CORO2B: variants seen among roughly 807,000 people sequenced by gnomAD.
The protein encoded by CORO2B is coronin-2B.
Under a neutral mutation model 58.8 loss-of-function variants are expected in CORO2B, and 26 were observed. The observed-to-expected ratio is 0.44, with a 90% CI of 0.32 to 0.61. The LOEUF (loss-of-function observed/expected upper bound fraction) is 0.61, where lower values mean the gene tolerates loss of function less well. Among genes scored for constraint, CORO2B ranks in the 20% least tolerant of loss-of-function variants. The pLI, the probability that CORO2B is intolerant of heterozygous loss-of-function variation, is 0.04. For synonymous variants in CORO2B, 242 were observed against 253.8 expected (o/e 0.95, Z 0.44); for missense variants, 460 against 645.1 (o/e 0.71, Z 3.11).
intron 1 of CORO2B, among the ~76,000 whole-genome samples, chr15:68,622,237 TG>T (rs933452682): frequency 1.3e-5 from 2 of 152,178 alleles, no homozygotes; most frequent in Non-Finnish European, 2.9e-5. Context: ...GGTGAGTGAC[TG>T]CATGTGAAAA....
chr15:68,607,276 G>T (rs990998723), intron 1 of CORO2B, among the ~76,000 whole-genome samples: 5 of 151,500 alleles, frequency 3.3e-5, no homozygotes, highest in Non-Finnish European at 7.4e-5. Flanking sequence ...GCTGGACTGG[G>T]CTGGGACTGT....
chr15:68,676,778 A>AT (rs900386322), intron 2 of CORO2B, among the ~76,000 whole-genome samples: 39 of 146,826 alleles, frequency 2.7e-4, no homozygotes, highest in East Asian at 6.0e-4. Context: ...CTTCTGGATT[A>AT]TTTTTTTTTT....
At chr15:68,623,858 G>T (rs1342611406) in intron 1 of CORO2B, among the ~76,000 whole-genome samples, 11 of 152,188 alleles carry the variant, frequency 7.2e-5, no homozygotes, top group Non-Finnish European at 1.6e-4. Context: ...CGACACCACG[G>T]ATTACAGCAG....
chr15:68,673,834 CTAA>C (rs1902484416), intron 2 of CORO2B, among the ~76,000 whole-genome samples: 1 of 38,316 alleles, frequency 2.6e-5, no homozygotes, highest in Non-Finnish European at 5.3e-5. Context: ...GAGACTCCGT[CTAA>C]AAAAAAAAAA....
At chr15:68,619,411 TTG>T (rs1900453546) in intron 1 of CORO2B, among the ~76,000 whole-genome samples, 1 of 152,148 alleles carries the variant, frequency 6.6e-6, no homozygotes, top group African/African-American at 2.4e-5. Context: ...AGAGCATTTT[TTG>T]TGTGTGCAAG....
chr15:68,624,784 C>A (rs943767758), intron 1 of CORO2B, among the ~76,000 whole-genome samples: 2 of 152,070 alleles, frequency 1.3e-5, no homozygotes, highest in African/African-American at 4.8e-5. Context: ...CCTCCATCTC[C>A]TGATTCTCTT....
chr15:68,604,331 C>A (rs1363450896), intron 1 of CORO2B, among the ~76,000 whole-genome samples: 2 of 152,108 alleles, frequency 1.3e-5, no homozygotes, highest in Non-Finnish European at 2.9e-5. Flanking sequence ...GCCCCCACCC[C>A]CAAACCGCCT....
the CORO2B span, among the ~76,000 whole-genome samples, chr15:68,533,473 C>T: frequency 6.6e-6 from 1 of 152,248 alleles, no homozygotes; most frequent in Middle Eastern, 3.4e-3. Flanking sequence ...AACAGATAAA[C>T]CTGACCAAGA....
chr15:68,536,306 G>A, the CORO2B span, among the ~76,000 whole-genome samples: 4 of 152,208 alleles, frequency 2.6e-5, no homozygotes, highest in Non-Finnish European at 5.9e-5. Flanking sequence ...ATTTCTGGAT[G>A]CTTGATCACA....
the CORO2B span, among the ~76,000 whole-genome samples, chr15:68,533,106 A>G: frequency 3.3e-5 from 5 of 152,184 alleles, no homozygotes; most frequent in Non-Finnish European, 5.9e-5. Context: ...TTCATGCTCT[A>G]CTTGATATTC....
chr15:68,706,212 C>T (rs1232992595), intron 3 of CORO2B, among the ~76,000 whole-genome samples: 1 of 152,298 alleles, frequency 6.6e-6, no homozygotes. Flanking sequence ...GGCGCCCGAC[C>T]CCACACACAC....
intron 2 of CORO2B, among the ~76,000 whole-genome samples, chr15:68,680,813 T>TA (rs754327006): frequency 1.6e-4 from 24 of 152,178 alleles, no homozygotes; most frequent in Non-Finnish European, 2.9e-4. Context: ...GTTATTGTGC[T>TA]AAAAAATTGA....
chr15:68,657,517 CA>C (rs373642309), intron 2 of CORO2B, among the ~76,000 whole-genome samples: 1,342 of 87,078 alleles, frequency 0.015, 10 homozygotes, highest in African/African-American at 0.058. Context: ...GATCCTGTCT[CA>C]AAAAAAAAAA....
upstream of CORO2B, among the ~76,000 whole-genome samples, chr15:68,578,755 C>A (rs1457416775): frequency 6.6e-6 from 1 of 152,070 alleles, no homozygotes; most frequent in African/African-American, 2.4e-5. This position sits in a 1 kb window ranked among gnomAD's most constrained non-coding sequence, Gnocchi z 4.2. Flanking sequence ...GAGCCAGCCT[C>A]GCCCAGCCGC....
intron 1 of CORO2B, among the ~76,000 whole-genome samples, chr15:68,606,234 G>GT (rs1440220468): frequency 6.6e-6 from 1 of 152,282 alleles, no homozygotes; most frequent in East Asian, 1.9e-4. Flanking sequence ...CCATCAGCCT[G>GT]TAGATAGTGT....
chr15:68,560,013 A>C, the CORO2B span, among the ~76,000 whole-genome samples: 2 of 152,160 alleles, frequency 1.3e-5, no homozygotes, highest in African/African-American at 4.8e-5. Flanking sequence ...TGCAGATCTG[A>C]CCAAGTCTCT....
intron 7 of CORO2B, 48 bp from the exon 8 acceptor site, chr15:68,715,167 G>A (rs373440240): frequency 2.2e-5 from 34 of 1,537,852 alleles, no homozygotes; most frequent in Non-Finnish European, 2.8e-5. Context: ...GCCCTGCTCT[G>A]CCCTCCCTAC....
At chr15:68,644,662 T>C (rs1901363764) in intron 1 of CORO2B, among the ~76,000 whole-genome samples, 1 of 152,108 alleles carries the variant, frequency 6.6e-6, no homozygotes, top group Non-Finnish European at 1.5e-5. Context: ...GGGATGACAG[T>C]GGATGGGGGG....
chr15:68,521,289 T>C, the CORO2B span, among the ~76,000 whole-genome samples: 2 of 152,222 alleles, frequency 1.3e-5, no homozygotes, highest in East Asian at 3.8e-4. Flanking sequence ...ACTATTATTT[T>C]AGAGATTGCC....
Sources: allele counts gnomAD v4.1 joint callset (sites outside exome capture counted in the v4.1 genomes callset), GRCh38; gene constraint gnomAD v4.1.1; non-coding constraint Gnocchi (gnomAD v3.1); transcripts MANE v1.5; gene names NCBI Gene and HGNC (gene_info 2026-07-23, HGNC 2026-07-21).